The following KIAA1328 variants were observed in gnomAD, a reference collection of about 807,000 sequenced individuals.
The protein encoded by KIAA1328 is protein hinderin.
A neutral mutation model predicts 68.1 loss-of-function variants in KIAA1328; 52 were observed. The ratio of observed to expected loss-of-function variants is 0.76; its 90% confidence interval spans 0.61 to 0.96. The LOEUF (loss-of-function observed/expected upper bound fraction) is 0.96, where lower values mean the gene tolerates loss of function less well. KIAA1328 is among the 40% of genes least tolerant of loss of function. KIAA1328 has a pLI of 0.00. For missense variants in KIAA1328, 641 were observed against 677.6 expected (o/e 0.95, Z 0.60); for synonymous variants, 232 against 239.4 (o/e 0.97, Z 0.28).
At chr18:37,038,889 T>C (rs2055135513) in intron 6 of KIAA1328, among the ~76,000 whole-genome samples, 1 of 152,220 alleles carries the variant, frequency 6.6e-6, no homozygotes, top group African/African-American at 2.4e-5. Context: ...AAAGCTGTGT[T>C]CTTCCTAGTT....
intron 5 of KIAA1328, among the ~76,000 whole-genome samples, chr18:36,940,786 C>A (rs1281308480): frequency 2.6e-5 from 4 of 151,662 alleles, no homozygotes; most frequent in Non-Finnish European, 4.4e-5. Context: ...AGCGATTATC[C>A]TGCCTCAGCC....
At chr18:36,999,477 C>T (rs2053510835) in intron 6 of KIAA1328, among the ~76,000 whole-genome samples, 1 of 152,164 alleles carries the variant, frequency 6.6e-6, no homozygotes, top group East Asian at 1.9e-4. Flanking sequence ...TAAAGTCAGA[C>T]TGTCTGAAAT....
chr18:37,022,326 A>G (rs531956545), intron 6 of KIAA1328, among the ~76,000 whole-genome samples: 18 of 152,310 alleles, frequency 1.2e-4, no homozygotes, highest in African/African-American at 3.8e-4. Flanking sequence ...TAAAACTCAT[A>G]TAATAAGAAA....
At chr18:36,940,633 A>C (rs1232110120) in intron 5 of KIAA1328, among the ~76,000 whole-genome samples, 3 of 151,966 alleles carry the variant, frequency 2.0e-5, no homozygotes, top group Non-Finnish European at 4.4e-5. Flanking sequence ...AAAGCCTATA[A>C]TAAGCTGCAT....
intron 6 of KIAA1328, among the ~76,000 whole-genome samples, chr18:37,059,191 G>A (rs1057218755): frequency 7.2e-5 from 11 of 152,004 alleles, no homozygotes; most frequent in East Asian, 5.8e-4. Flanking sequence ...CAGAATTAAC[G>A]TTGAATATGT....
intron 7 of KIAA1328, among the ~76,000 whole-genome samples, chr18:37,090,766 A>C (rs2151831295): frequency 6.6e-6 from 1 of 152,302 alleles, no homozygotes; most frequent in Non-Finnish European, 1.5e-5. Flanking sequence ...TGTCATAATT[A>C]TTTAAATTTA....
At chr18:36,970,266 T>C (rs1381937554) in intron 6 of KIAA1328, among the ~76,000 whole-genome samples, 1 of 152,206 alleles carries the variant, frequency 6.6e-6, no homozygotes, top group East Asian at 1.9e-4. Flanking sequence ...CCCTTTATGC[T>C]ACAGACTCTC....
At chr18:36,938,125 G>A (rs549857948) in intron 5 of KIAA1328, among the ~76,000 whole-genome samples, 2 of 152,290 alleles carry the variant, frequency 1.3e-5, no homozygotes, top group South Asian at 4.1e-4. Context: ...CCAGAAGTGG[G>A]ATTGCTGGAA....
intron 5 of KIAA1328, among the ~76,000 whole-genome samples, chr18:36,901,191 G>A (rs988354178): frequency 6.6e-6 from 1 of 151,912 alleles, no homozygotes; most frequent in African/African-American, 2.4e-5. Context: ...CTATATTTTT[G>A]TTTCTTTAGT....
At chr18:37,227,219 C>T (rs774860123), downstream of KIAA1328, among the ~76,000 whole-genome samples, 8 of 152,182 alleles carry the variant, frequency 5.3e-5, no homozygotes, top group Non-Finnish European at 1.0e-4. Context: ...AGACCATCTC[C>T]ATAATGTAAA....
At chr18:37,226,956 G>A (rs908804911), downstream of KIAA1328, among the ~76,000 whole-genome samples, 3 of 152,046 alleles carry the variant, frequency 2.0e-5, no homozygotes, top group Admixed American at 1.3e-4. Flanking sequence ...TAGTAGAGAC[G>A]GGGTTTCCCC....
intron 9 of KIAA1328, chr18:37,193,733 GA>G (rs1427157341): frequency 1.6e-6 from 1 of 636,964 alleles, no homozygotes; most frequent in Non-Finnish European, 2.8e-6. Flanking sequence ...TCACTTGTGA[GA>G]AACAGAAAAC....
chr18:37,032,945 G>GT lies in KIAA1328; in HGVS notation c.577-33939dup, dbSNP rs1051092569. Among the ~76,000 whole-genome samples, 5 of 152,136 alleles carry GT rather than the reference G, an allele frequency of 3.3e-5. No homozygotes were observed. In the South Asian group the frequency reaches 1.0e-3, roughly 32 times the overall value. On this transcript the variant is annotated intron_variant, in intron 6 of 9. Transcript: ENST00000280020. ...CATGAGCCACCATGCCCAGCTGCATGTTTTTTAAATAAATGATATTCTGCC... is the reference window on the plus strand; with the variant it reads ...CATGAGCCACCATGCCCAGCTGCATGTTTTTTTAAATAAATGATATTCTGCC...
chr18:37,175,429 G>C (rs1471240177), intron 9 of KIAA1328, among the ~76,000 whole-genome samples: 4 of 151,966 alleles, frequency 2.6e-5, no homozygotes, highest in Non-Finnish European at 5.9e-5. Context: ...CTTTAAAAAA[G>C]GATTATCTAT....
At chr18:36,876,895 C>A (rs1297959055) in intron 4 of KIAA1328, among the ~76,000 whole-genome samples, 5 of 152,168 alleles carry the variant, frequency 3.3e-5, no homozygotes, top group African/African-American at 1.2e-4. Flanking sequence ...TCGTTGGTTT[C>A]AAATAACTTA....
At chr18:36,973,879 A>T (rs1470291253) in intron 6 of KIAA1328, among the ~76,000 whole-genome samples, 1 of 149,312 alleles carries the variant, frequency 6.7e-6, no homozygotes. Context: ...TCTATTTTTC[A>T]GTGTAATCTA....
intron 6 of KIAA1328, among the ~76,000 whole-genome samples, chr18:36,990,884 T>C (rs1026641234): frequency 2.0e-5 from 3 of 152,100 alleles, no homozygotes; most frequent in Admixed American, 1.3e-4. Flanking sequence ...AAAAAGTCAC[T>C]TGTACATTTA....
chr18:36,929,005 G>T (rs2050220422), intron 5 of KIAA1328, among the ~76,000 whole-genome samples: 2 of 152,118 alleles, frequency 1.3e-5, no homozygotes, highest in African/African-American at 4.8e-5. Context: ...TCAAAGAAAT[G>T]TTTATTTCTT....
intron 6 of KIAA1328, among the ~76,000 whole-genome samples, chr18:37,001,102 TAAAC>T (rs377217780): frequency 6.3e-4 from 95 of 151,900 alleles, no homozygotes; most frequent in African/African-American, 2.2e-3. Flanking sequence ...TTAAAAAAGA[TAAAC>T]AAAATTGATA....
Sources: gnomAD v4.1 joint callset for allele counts (sites outside exome capture counted in the v4.1 genomes callset) on GRCh38, gnomAD v4.1.1 for gene constraint, MANE v1.5 for transcripts, NCBI Gene and HGNC (gene_info 2026-07-23, HGNC 2026-07-21) for gene names.